PACRG: variants seen among roughly 807,000 people sequenced by gnomAD.
The protein encoded by PACRG is parkin coregulated gene protein.
Under a neutral mutation model 29.7 loss-of-function variants are expected in PACRG, and 29 were observed. The ratio of observed to expected loss-of-function variants is 0.98; its 90% confidence interval spans 0.73 to 1.33. The LOEUF (loss-of-function observed/expected upper bound fraction) is 1.33. Ranked by LOEUF, PACRG falls within the 40% of genes most tolerant of loss-of-function variation. The pLI is 0.00. For synonymous variants in PACRG, 116 were observed against 118.7 expected, an observed-to-expected ratio of 0.98 and a Z score of 0.15; for missense variants, 279 against 316.2, an observed-to-expected ratio of 0.88 and a Z score of 0.89.
chr6:163,308,153 A>C (rs1403729055), intron 4 of PACRG, among the ~76,000 whole-genome samples: 2 of 152,242 alleles, frequency 1.3e-5, no homozygotes, highest in African/African-American at 4.8e-5. Context: ...CATATTAAAA[A>C]AACTCAAAAG....
chr6:162,898,238 C>T (rs537026230), intron 2 of PACRG, among the ~76,000 whole-genome samples: 3 of 152,224 alleles, frequency 2.0e-5, no homozygotes, highest in East Asian at 1.9e-4. Flanking sequence ...TGGTGCTAAG[C>T]GGAATCTCCT....
intron 3 of PACRG, among the ~76,000 whole-genome samples, chr6:163,068,988 C>G (rs1432433536): frequency 1.3e-5 from 2 of 151,910 alleles, no homozygotes; most frequent in Non-Finnish European, 1.5e-5. Context: ...CTTTCTTTAT[C>G]CTGCTTATAG....
intron 2 of PACRG, among the ~76,000 whole-genome samples, chr6:162,985,496 A>G (rs908200418): frequency 1.3e-5 from 2 of 152,114 alleles, no homozygotes; most frequent in Non-Finnish European, 2.9e-5. Context: ...CTTTTTGACA[A>G]AATCCAGCAT....
chr6:163,065,585 T>C (rs1200097750), intron 3 of PACRG, among the ~76,000 whole-genome samples: 2 of 152,202 alleles, frequency 1.3e-5, no homozygotes, highest in African/African-American at 4.8e-5. Context: ...GAAAAATCTC[T>C]ACACACAGGG....
chr6:163,037,675 G>A (rs992678576), intron 2 of PACRG, among the ~76,000 whole-genome samples: 5 of 152,128 alleles, frequency 3.3e-5, no homozygotes, highest in South Asian at 2.1e-4. Context: ...CAACATACTC[G>A]GGCACCCCAG....
intron 4 of PACRG, among the ~76,000 whole-genome samples, chr6:163,093,905 G>GC (rs1331795733): frequency 2.6e-5 from 4 of 152,172 alleles, no homozygotes; most frequent in Non-Finnish European, 5.9e-5. Flanking sequence ...CCTGAAGTTT[G>GC]CAAAATTTTA....
At chr6:162,811,741 A>G (rs1756574251) in intron 1 of PACRG, among the ~76,000 whole-genome samples, 2 of 152,174 alleles carry the variant, frequency 1.3e-5, no homozygotes. Context: ...AAACTGATGT[A>G]TCCATGCCAT....
At chr6:162,825,687 G>T (rs1233202252) in intron 2 of PACRG, among the ~76,000 whole-genome samples, 1 of 152,030 alleles carries the variant, frequency 6.6e-6, no homozygotes, top group East Asian at 1.9e-4. Context: ...ATTATCTTGA[G>T]CTCCTGGGGT....
At chr6:163,073,324 A>G (rs750439241) in intron 3 of PACRG, among the ~76,000 whole-genome samples, 7 of 152,298 alleles carry the variant, frequency 4.6e-5, no homozygotes, top group Middle Eastern at 3.4e-3. Flanking sequence ...TGCCAAGAAC[A>G]TACACTGGGA....
chr6:163,292,058 G>T (rs1437077869), intron 4 of PACRG, among the ~76,000 whole-genome samples: 1 of 152,244 alleles, frequency 6.6e-6, no homozygotes, highest in Non-Finnish European at 1.5e-5. Context: ...TAAGTAGGCA[G>T]TGGAAAAGGG....
chr6:163,236,043 T>C (rs534817960), intron 4 of PACRG, among the ~76,000 whole-genome samples: 4 of 152,196 alleles, frequency 2.6e-5, no homozygotes, highest in Non-Finnish European at 5.9e-5. Flanking sequence ...AGCATTTATT[T>C]ATCTGAAAAA....
chr6:162,856,881 C>T (rs895702257), intron 2 of PACRG, among the ~76,000 whole-genome samples: 5 of 152,174 alleles, frequency 3.3e-5, no homozygotes, highest in African/African-American at 9.7e-5. Context: ...GCTGAGAAGG[C>T]ATCTGGAGTG....
chr6:163,197,181 T>C (rs1390774426), intron 4 of PACRG, among the ~76,000 whole-genome samples: 1 of 152,174 alleles, frequency 6.6e-6, no homozygotes, highest in African/African-American at 2.4e-5. Context: ...CCTGATTTTT[T>C]CCACAGTAAG....
chr6:163,174,125 G>A (rs529587494), intron 4 of PACRG, among the ~76,000 whole-genome samples: 1 of 152,322 alleles, frequency 6.6e-6, no homozygotes, highest in South Asian at 2.1e-4. Context: ...TTACTTTAGA[G>A]CAGGAATACC....
intron 2 of PACRG, among the ~76,000 whole-genome samples, chr6:162,993,069 C>G (rs1389488269): frequency 1.4e-5 from 2 of 142,998 alleles, no homozygotes; most frequent in South Asian, 4.7e-4. Context: ...GATTCTTAAT[C>G]CTGAGTTCTA....
intron 4 of PACRG, among the ~76,000 whole-genome samples, chr6:163,238,746 CT>C (rs1562332747): frequency 6.6e-6 from 1 of 152,194 alleles, no homozygotes; most frequent in Non-Finnish European, 1.5e-5. Flanking sequence ...TAACATTCAT[CT>C]TTATTTTTCT....
intron 4 of PACRG, among the ~76,000 whole-genome samples, chr6:163,204,926 C>T (rs1195901602): frequency 6.6e-6 from 1 of 152,188 alleles, no homozygotes; most frequent in Non-Finnish European, 1.5e-5. Context: ...ACACCAACAA[C>T]AGCCAAGCTG....
intron 3 of PACRG, among the ~76,000 whole-genome samples, chr6:163,069,222 A>G (rs571043709): frequency 5.3e-5 from 8 of 151,802 alleles, no homozygotes; most frequent in African/African-American, 1.7e-4. Context: ...GAAGACCGCA[A>G]TACCTAACTT....
chr6:163,273,137 C>T (rs1274980597), intron 4 of PACRG, among the ~76,000 whole-genome samples: 2 of 146,550 alleles, frequency 1.4e-5, no homozygotes, highest in South Asian at 2.1e-4. Flanking sequence ...TCGTGATCCG[C>T]CCGCCTCGGC....
Sources: gnomAD v4.1 joint callset for allele counts (sites outside exome capture counted in the v4.1 genomes callset) on GRCh38, gnomAD v4.1.1 for gene constraint, MANE v1.5 for transcripts, NCBI Gene and HGNC (gene_info 2026-07-23, HGNC 2026-07-21) for gene names.